Variants in KIAA1614 observed in about 807,000 individuals in gnomAD.
KIAA1614 encodes KIAA1614, also known as uncharacterized protein KIAA1614.
Under a neutral mutation model 88.7 loss-of-function variants are expected in KIAA1614, and 76 were observed. That is an observed-to-expected ratio of 0.86 (90% CI 0.71 to 1.04). KIAA1614 has a LOEUF of 1.04. Ranked by LOEUF, KIAA1614 falls within the 50% of genes least tolerant of loss-of-function variation. The pLI is 0.00. For synonymous variants in KIAA1614, 714 were observed against 675.5 expected (o/e 1.06, Z -0.88); for missense variants, 1,553 against 1,582.5 (o/e 0.98, Z 0.32).
At chr1:180,940,192 G>T (rs1286516907) in intron 6 of KIAA1614, among the ~76,000 whole-genome samples, 3 of 152,214 alleles carry the variant, frequency 2.0e-5, no homozygotes, top group Admixed American at 6.5e-5. Flanking sequence ...CTGACACATA[G>T]TAGGTCGTTA....
intron 3 of KIAA1614, 87 bp from the exon 4 acceptor site, chr1:180,928,343 G>A: frequency 1.5e-6 from 2 of 1,379,168 alleles, no homozygotes; most frequent in Non-Finnish European, 1.9e-6. Context: ...GGCACAGCCA[G>A]TGCTTGACAC....
Position 180,950,549 on chromosome 1 carries a change from G to A in KIAA1614, c.*4961G>A. On this transcript the variant is annotated 3_prime_UTR_variant, in exon 9 of 9. Transcript: ENST00000367588. ...CCCACGGTGACCCAGAAGTGCCGCT[G>A]CCCTCACTGTCACGGCCTCGGAAGC... 9.2e-7 allele frequency: 1 copy of A among 1,085,050 alleles called. No individual in the cohort carries two copies. Among genetic ancestry groups the A allele is most frequent in the Non-Finnish European group, 1.1e-6 (1 of 884,018 alleles). The allele number at this position is 1,085,050 out of a possible 1,614,324, so 67.2% of individuals were successfully genotyped here.
intron 7 of KIAA1614, among the ~76,000 whole-genome samples, chr1:180,943,548 A>ATTTTTTTT (rs201999726): frequency 0.05 from 3,748 of 74,634 alleles, 603 homozygotes; most frequent in South Asian, 0.057. Context: ...ATGGTAGTAG[A>ATTTTTTTT]TCTTTTTTTT....
Position 180,936,556 on chromosome 1 carries a change from A to G in KIAA1614, c.2647A>G (p.Asn883Asp). 6.2e-7 allele frequency: 1 copy of G among 1,613,888 alleles called. No homozygotes were observed. The highest frequency in any genetic ancestry group is 8.5e-7 in the Non-Finnish European group (1 of 1,179,968). The change falls in exon 5 of 9, where the codon AAC (asparagine) becomes GAC (aspartate). Residue 883 changes from asparagine (N) to aspartate (D), a missense_variant. Physicochemically the swap from Asn to Asp is conservative, Grantham distance 23 (BLOSUM62 1). Coordinates refer to ENST00000367588, the MANE Select transcript of KIAA1614 (RefSeq NM_020950.2). ...GGCCCTGTCCACCAACAACTGCAAC[A>G]ACAGCGCACCTCGGGGGCTGCAGGA... Reference protein sequence around the residue: ...LLALSTNNCNNSAPRGLQEPY... With the variant: ...LLALSTNNCNDSAPRGLQEPY...
intron 4 of KIAA1614, among the ~76,000 whole-genome samples, chr1:180,933,668 G>C (rs1194667319): frequency 1.3e-5 from 2 of 152,204 alleles, no homozygotes; most frequent in Non-Finnish European, 2.9e-5. Flanking sequence ...CCTGGTGTGA[G>C]ATGTGTACAG....
rs567471372 is a variant in KIAA1614, at chr1:180,922,009, C to T, written c.1061+4095C>T. 7.9e-5 allele frequency among the ~76,000 whole-genome samples: 12 copies of T among 152,360 alleles called. No individual in the cohort carries two copies. In the South Asian group the frequency reaches 1.0e-3, roughly 13 times the overall value. ...GTGAGGAGCACAGCAATCAGGGCAA[C>T]GCTGGCTCCAGACCCCACACCAAAT... On this transcript the variant is annotated intron_variant, in intron 3 of 8. Coordinates refer to ENST00000367588, the MANE Select transcript of KIAA1614 (RefSeq NM_020950.2).
At chr1:180,926,042 G>A (rs75922164) in intron 3 of KIAA1614, among the ~76,000 whole-genome samples, 1 of 152,180 alleles carries the variant, frequency 6.6e-6, no homozygotes, top group Non-Finnish European at 1.5e-5. Context: ...TTATTCCTAT[G>A]CTCCACCCTC....
chr1:180,922,389 A>G (rs1428221105), intron 3 of KIAA1614, among the ~76,000 whole-genome samples: 1 of 152,148 alleles, frequency 6.6e-6, no homozygotes, highest in Non-Finnish European at 1.5e-5. Flanking sequence ...CCTTCAGGAA[A>G]TCCCTGTGAG....
chr1:180,917,184 G>A (rs1381612038), intron 2 of KIAA1614, 84 bp downstream of exon 2: 10 of 1,050,680 alleles, frequency 9.5e-6, no homozygotes, highest in Non-Finnish European at 1.4e-5. Flanking sequence ...GGGTCCCACA[G>A]AGGGAGTGGG....
chr1:180,940,306 G>T (rs2102274037), intron 6 of KIAA1614, among the ~76,000 whole-genome samples: 1 of 152,320 alleles, frequency 6.6e-6, no homozygotes, highest in South Asian at 2.1e-4. Context: ...TTCGAGACCA[G>T]CCTGGCCAAC....
intron 3 of KIAA1614, chr1:180,928,069 C>A: frequency 5.6e-6 from 1 of 178,554 alleles, no homozygotes; most frequent in Non-Finnish European, 1.2e-5. Context: ...CCCTTTCTCC[C>A]TCCTCCTCCC....
intron 4 of KIAA1614, among the ~76,000 whole-genome samples, chr1:180,930,210 G>C (rs1654163812): frequency 6.6e-6 from 1 of 152,170 alleles, no homozygotes; most frequent in Non-Finnish European, 1.5e-5. Flanking sequence ...ATGAGGTCAG[G>C]AGATCAAGAC....
intron 6 of KIAA1614, among the ~76,000 whole-genome samples, 183 bp downstream of exon 6, chr1:180,938,894 T>G (rs1181378794): frequency 6.6e-6 from 1 of 152,192 alleles, no homozygotes; most frequent in Non-Finnish European, 1.5e-5. Context: ...TTTAGTCTGA[T>G]GTACCTGATC....
intron 3 of KIAA1614, among the ~76,000 whole-genome samples, 169 bp downstream of exon 3, chr1:180,918,083 A>G (rs1279937688): frequency 6.6e-6 from 1 of 152,120 alleles, no homozygotes; most frequent in African/African-American, 2.4e-5. Context: ...AATTGCCAGT[A>G]ACCCCCACCG....
At position 180,949,988 on chromosome 1, in the gene KIAA1614, C is replaced by T. The variant is rs1316170213; in HGVS notation, c.*4400C>T. The T allele has an allele frequency of 6.6e-6, 1 of 152,334 alleles. No homozygotes were observed. The highest frequency in any genetic ancestry group is 1.5e-5 in the Non-Finnish European group (1 of 68,120). 9.4% of individuals were successfully genotyped at this position (152,334 alleles called of 1,614,324 possible). Reference sequence around the variant, plus strand: ...AAAAACTATTTTCCTCCCAATTCTACAAGAAAAGCTCATCTCAGAAAAAGA... The same window carrying T: ...AAAAACTATTTTCCTCCCAATTCTATAAGAAAAGCTCATCTCAGAAAAAGA... On this transcript the variant is annotated 3_prime_UTR_variant, in exon 9 of 9. Coordinates refer to ENST00000367588, the MANE Select transcript of KIAA1614 (RefSeq NM_020950.2).
In KIAA1614 at chr1:180,946,486, C is replaced by G. The variant is rs1375277619; in HGVS notation, c.*898C>G. On this transcript the variant is annotated 3_prime_UTR_variant, in exon 9 of 9. Transcript: ENST00000367588. ...GAGTCTTTCAGGGCAACGTGACTTG[C>G]AAAAGCCCACGCCCAAGGTCTGTGG... 1.3e-5 allele frequency: 2 copies of G among 152,192 alleles called. No homozygotes were observed. The highest frequency in any genetic ancestry group is 2.9e-5 in the Non-Finnish European group (2 of 68,058). The allele number at this position is 152,192 out of a possible 1,614,324, so 9.4% of individuals were successfully genotyped here.
intron 4 of KIAA1614, among the ~76,000 whole-genome samples, chr1:180,932,259 G>A (rs1654213543): frequency 6.6e-6 from 1 of 152,040 alleles, no homozygotes; most frequent in South Asian, 2.1e-4. Context: ...TCAGCAGCGG[G>A]GTGTCCTGCT....
intron 3 of KIAA1614, chr1:180,928,168 C>T: frequency 7.7e-6 from 3 of 389,400 alleles, no homozygotes; most frequent in Non-Finnish European, 1.4e-5. Context: ...AGGTCTCTGC[C>T]TCCAGTGCCT....
At chr1:180,916,128 G>A in intron 1 of KIAA1614, 26 bp from the exon 2 acceptor site, 1 of 1,520,212 alleles carries the variant, frequency 6.6e-7, no homozygotes, top group South Asian at 1.3e-5. Context: ...CTGGGTCTTA[G>A]GAACTCTGTC....
Sources: gnomAD v4.1 joint callset for allele counts (sites outside exome capture counted in the v4.1 genomes callset) on GRCh38, gnomAD v4.1.1 for gene constraint, MANE v1.5 for transcripts, NCBI Gene and HGNC (gene_info 2026-07-23, HGNC 2026-07-21) for gene names.